Variants in SLC8A1 observed in about 807,000 individuals in gnomAD.
SLC8A1 encodes the protein sodium/calcium exchanger 1.
In SLC8A1, 18 loss-of-function variants were observed where a neutral mutation model predicts 68.3. The observed-to-expected ratio is 0.26, with a 90% CI of 0.18 to 0.39. The LOEUF is 0.39. Ranked by LOEUF, SLC8A1 falls within the 10% of genes least tolerant of loss-of-function variation. SLC8A1 has a pLI of 1.00. For missense variants in SLC8A1, 985 were observed against 1,156.7 expected (o/e 0.85, Z 2.15); for synonymous variants, 475 against 415.5 (o/e 1.14, Z -1.74).
At chr2:40,329,411 A>C (rs1200502883) in intron 2 of SLC8A1, among the ~76,000 whole-genome samples, 2 of 152,124 alleles carry the variant, frequency 1.3e-5, no homozygotes, top group East Asian at 1.9e-4. Flanking sequence ...AGTGTGTTTA[A>C]ATTTTTTAAT....
At chr2:40,232,314 T>C (rs1255093809) in intron 2 of SLC8A1, among the ~76,000 whole-genome samples, 2 of 152,072 alleles carry the variant, frequency 1.3e-5, no homozygotes, top group Non-Finnish European at 1.5e-5. Context: ...TGTCATCTTT[T>C]GGTTGGCACA....
At chr2:40,343,788 T>C (rs1255708028) in intron 2 of SLC8A1, among the ~76,000 whole-genome samples, 2 of 152,198 alleles carry the variant, frequency 1.3e-5, no homozygotes, top group Admixed American at 1.3e-4. Flanking sequence ...GGAAATGTAT[T>C]TATTTTCAAA....
rs141182859 is a variant in SLC8A1, at chr2:40,249,733, G to A, written c.1809-71878C>T. ...GTTGCAGGTAGTAAAAATTGCCAAC[G>A]AATCACTTAAATACTGAGAGGACTG... On this transcript the variant is annotated intron_variant, in intron 2 of 7. Transcript: ENST00000406785. 2.8e-3 allele frequency among the ~76,000 whole-genome samples: 424 copies of A among 152,158 alleles called. 2 individuals carry two copies. Among genetic ancestry groups the A allele is most frequent in the African/African-American group, 9.1e-3 (376 of 41,526 alleles).
At chr2:40,443,814 C>G (rs762181062) in intron 1 of SLC8A1, among the ~76,000 whole-genome samples, 9 of 152,164 alleles carry the variant, frequency 5.9e-5, no homozygotes, top group Non-Finnish European at 1.0e-4. Flanking sequence ...CTGTGATATT[C>G]GAATCCTACA....
At chr2:40,347,744 G>C (rs1467495384) in intron 2 of SLC8A1, among the ~76,000 whole-genome samples, 5 of 152,100 alleles carry the variant, frequency 3.3e-5, no homozygotes, top group African/African-American at 1.2e-4. Flanking sequence ...TATGACTCTT[G>C]AAACAAACTC....
chr2:40,220,261 A>AAAAT (rs1416288146), intron 2 of SLC8A1: 3 of 152,188 alleles, frequency 2.0e-5, no homozygotes, highest in African/African-American at 7.2e-5. Flanking sequence ...AAAAAGAGAA[A>AAAAT]AAATAAATTA....
At chr2:40,367,347 C>A (rs1041987800) in intron 2 of SLC8A1, among the ~76,000 whole-genome samples, 1 of 152,006 alleles carries the variant, frequency 6.6e-6, no homozygotes, top group Non-Finnish European at 1.5e-5. Flanking sequence ...TGACTGACAC[C>A]TTTACATCCA....
At chr2:40,436,934 T>A (rs111819568) in intron 1 of SLC8A1, among the ~76,000 whole-genome samples, 1 of 152,150 alleles carries the variant, frequency 6.6e-6, no homozygotes, top group African/African-American at 2.4e-5. Context: ...TTAAGGGCCC[T>A]ACTCAGGGCA....
chr2:40,452,375 C>A (rs1253261761), upstream of SLC8A1, among the ~76,000 whole-genome samples: 1 of 152,094 alleles, frequency 6.6e-6, no homozygotes, highest in Non-Finnish European at 1.5e-5. Flanking sequence ...CCAGCCTCTG[C>A]CGGCGAGCAG....
intron 2 of SLC8A1, among the ~76,000 whole-genome samples, chr2:40,296,948 C>T (rs972602504): frequency 6.6e-6 from 1 of 152,156 alleles, no homozygotes; most frequent in African/African-American, 2.4e-5. Context: ...TCAAGCCATA[C>T]ACATTAATGA....
At chr2:40,182,693 G>T (rs2049853893) in intron 2 of SLC8A1, among the ~76,000 whole-genome samples, 1 of 152,098 alleles carries the variant, frequency 6.6e-6, no homozygotes, top group Non-Finnish European at 1.5e-5. Context: ...TCTTATATCT[G>T]GTTTTGACTC....
intron 2 of SLC8A1, among the ~76,000 whole-genome samples, chr2:40,385,101 A>G (rs920355452): frequency 8.5e-5 from 13 of 152,246 alleles, no homozygotes; most frequent in Middle Eastern, 3.4e-3. Context: ...TTCAACTCTT[A>G]TAGTACTTTT....
intron 2 of SLC8A1, among the ~76,000 whole-genome samples, chr2:40,230,488 C>T (rs1269287055): frequency 6.6e-6 from 1 of 152,088 alleles, no homozygotes; most frequent in Non-Finnish European, 1.5e-5. Flanking sequence ...CAAGGTAAAA[C>T]AAAATAAACA....
chr2:40,314,763 T>C (rs545431386), intron 2 of SLC8A1, among the ~76,000 whole-genome samples: 4 of 152,178 alleles, frequency 2.6e-5, no homozygotes, highest in South Asian at 4.1e-4. Flanking sequence ...TTTGATGACA[T>C]TGTAAATGGT....
chr2:40,288,959 C>T (rs931124204), intron 2 of SLC8A1, among the ~76,000 whole-genome samples: 11 of 150,800 alleles, frequency 7.3e-5, no homozygotes, highest in Non-Finnish European at 8.8e-5. Flanking sequence ...CTTGGCCTCC[C>T]AAAATGTCAG....
In SLC8A1 at chr2:40,290,518, G is replaced by A. The variant is rs905190739; in HGVS notation, c.1809-112663C>T. On this transcript the variant is annotated intron_variant, in intron 2 of 7. Transcript: ENST00000406785. ...CTGGGCCAGATTTACCATAATGTGC[G>A]TCCTGGGAGATCTTGCTGCTGTCAC... Among the ~76,000 whole-genome samples the A allele has an allele frequency of 3.9e-5, 6 of 152,114 alleles. 1 individual carries two copies. The highest frequency in any genetic ancestry group is 4.1e-4 in the South Asian group (2 of 4,820).
intron 2 of SLC8A1, among the ~76,000 whole-genome samples, chr2:40,422,204 G>A (rs1208565076): frequency 3.3e-5 from 5 of 152,112 alleles, no homozygotes; most frequent in Non-Finnish European, 7.4e-5. Context: ...ACTGTTGCAA[G>A]GCTAAACTTC....
intron 2 of SLC8A1, chr2:40,251,862 A>G (rs141998447): frequency 1.3e-5 from 2 of 152,292 alleles, no homozygotes; most frequent in African/African-American, 4.8e-5. Context: ...TTCTCCTTCA[A>G]TATTTTCATT....
intron 2 of SLC8A1, among the ~76,000 whole-genome samples, chr2:40,190,975 A>C (rs1165418273): frequency 1.3e-5 from 2 of 148,886 alleles, no homozygotes; most frequent in Non-Finnish European, 3.0e-5. Context: ...ATCTATTTGC[A>C]CTTTTAAAGG....
Sources: allele counts gnomAD v4.1 joint callset (sites outside exome capture counted in the v4.1 genomes callset), GRCh38; gene constraint gnomAD v4.1.1; transcripts MANE v1.5; gene names NCBI Gene and HGNC (gene_info 2026-07-23, HGNC 2026-07-21).